The following FRG1 variants were observed in gnomAD, a reference collection of about 807,000 sequenced individuals.
FRG1 encodes protein FRG1.
In FRG1, 19 loss-of-function variants were observed where a neutral mutation model predicts 37.0. The ratio of observed to expected loss-of-function variants is 0.51; its 90% CI spans 0.36 to 0.75. The LOEUF (loss-of-function observed/expected upper bound fraction) is 0.75, where lower values mean the gene tolerates loss of function less well. FRG1 is among the 30% of genes least tolerant of loss of function. The pLI, the probability that FRG1 is intolerant of heterozygous loss-of-function variation, is 0.00. For missense variants in FRG1, 243 were observed against 301.4 expected (o/e 0.81, Z 1.44); for synonymous variants, 73 against 96.5 (o/e 0.76, Z 1.43).
At position 189,940,995 on chromosome 4, in the gene FRG1, A is replaced by G. The variant is rs1393289566; in HGVS notation, c.-15A>G. On this transcript the variant is annotated 5_prime_UTR_variant, in exon 1 of 9. Transcript: ENST00000226798. ...AACCGGCCTCAGCCTCTCCGCGCAG[A>G]AGTTTCCCGGAGCCATGGCCGAGTA... The G allele has an allele frequency of 3.1e-6, 5 of 1,611,688 alleles. No individual in the cohort carries two copies. Among genetic ancestry groups the G allele is most frequent in the Non-Finnish European group, 4.2e-6 (5 of 1,178,204 alleles).
chr4:189,959,792 G>GA (rs1443020147), intron 6 of FRG1: 1 of 739,004 alleles, frequency 1.4e-6, no homozygotes, highest in Non-Finnish European at 1.7e-6. Flanking sequence ...CAAGTACCTG[G>GA]AAGCTCTGAA....
intron 2 of FRG1, among the ~76,000 whole-genome samples, chr4:189,947,423 G>A (rs1736578394): frequency 6.6e-6 from 1 of 152,156 alleles, no homozygotes; most frequent in Admixed American, 6.5e-5. Context: ...TTGATGCCTA[G>A]TCAAATTATT....
chr4:189,947,315 T>G (rs1736573472), intron 2 of FRG1, among the ~76,000 whole-genome samples: 1 of 110,116 alleles, frequency 9.1e-6, no homozygotes, highest in Non-Finnish European at 1.7e-5. Flanking sequence ...TAAAGTATTT[T>G]GAAGCCGTCA....
intron 2 of FRG1, among the ~76,000 whole-genome samples, chr4:189,943,569 C>T (rs747602740): frequency 2.0e-5 from 3 of 152,140 alleles, no homozygotes; most frequent in Admixed American, 2.0e-4. Flanking sequence ...TGTTATTCAA[C>T]CAAATATCTT....
chr4:189,955,383 A>G (rs996304712), intron 5 of FRG1, among the ~76,000 whole-genome samples: 5 of 152,196 alleles, frequency 3.3e-5, no homozygotes, highest in South Asian at 2.1e-4. Context: ...GTGCCTAGAT[A>G]TGGATCTCAT....
At chr4:189,950,526 A>C (rs1736709023) in intron 2 of FRG1, among the ~76,000 whole-genome samples, 1 of 152,084 alleles carries the variant, frequency 6.6e-6, no homozygotes, top group Admixed American at 6.6e-5. Context: ...GGTCTGTTTT[A>C]AGTTACTTTT....
chr4:189,942,465 T>G (rs1196594901), intron 1 of FRG1, among the ~76,000 whole-genome samples: 1 of 152,230 alleles, frequency 6.6e-6, no homozygotes, highest in East Asian at 1.9e-4. Context: ...TAAGAAATCA[T>G]GCAACATGTG....
At chr4:189,957,625 G>A (rs555984859) in intron 6 of FRG1, 123 bp downstream of exon 6, 107 of 858,734 alleles carry the variant, frequency 1.2e-4, no homozygotes, top group Middle Eastern at 1.1e-3. Context: ...TTTATAATGT[G>A]GTGTTTCAAA....
At chr4:189,949,282 T>C (rs1284599268) in intron 2 of FRG1, among the ~76,000 whole-genome samples, 3 of 152,196 alleles carry the variant, frequency 2.0e-5, no homozygotes, top group African/African-American at 7.2e-5. Context: ...AAGTATTATG[T>C]TATGTTACTT....
At chr4:189,954,729 G>A (rs1736906691) in intron 4 of FRG1, among the ~76,000 whole-genome samples, 1 of 151,766 alleles carries the variant, frequency 6.6e-6, no homozygotes, top group African/African-American at 2.4e-5. Context: ...CAAGTAGCTG[G>A]TATCACATGT....
chr4:189,959,208 A>G (rs1737118910), intron 6 of FRG1, among the ~76,000 whole-genome samples: 1 of 152,220 alleles, frequency 6.6e-6, no homozygotes, highest in Non-Finnish European at 1.5e-5. Context: ...AATAATTTCA[A>G]ATCTAAAGCT....
chr4:189,945,493 A>G (rs1239069701), intron 2 of FRG1, among the ~76,000 whole-genome samples: 1 of 152,180 alleles, frequency 6.6e-6, no homozygotes, highest in Non-Finnish European at 1.5e-5. Flanking sequence ...CTCTTTCTGT[A>G]TCTGTTGAGA....
intron 2 of FRG1, among the ~76,000 whole-genome samples, chr4:189,946,015 G>T (rs1736512279): frequency 6.6e-6 from 1 of 152,146 alleles, no homozygotes; most frequent in Non-Finnish European, 1.5e-5. Context: ...CATCTAAGTT[G>T]TTGGATTTAT....
In FRG1 at chr4:189,941,740, C is replaced by G. The variant is rs185324256; in HGVS notation, c.62+669C>G. The G allele has an allele frequency of 3.1e-4, 91 of 289,090 alleles. 1 individual carries two copies. The highest frequency in any genetic ancestry group is 2.0e-3 in the African/African-American group (90 of 44,002). 17.9% of individuals were successfully genotyped at this position (289,090 alleles called of 1,614,324 possible). Reference sequence around the variant, plus strand: ...CATATATGCAGAAAATAAATTGAGCCAAATGTGAGGAGGAGGTCGTAATGG... The same window carrying G: ...CATATATGCAGAAAATAAATTGAGCGAAATGTGAGGAGGAGGTCGTAATGG... On this transcript the variant is annotated intron_variant, in intron 1 of 8. Coordinates refer to ENST00000226798, the MANE Select transcript of FRG1 (RefSeq NM_004477.3).
rs1296255099 is a variant in FRG1 at position 189,943,270 on chromosome 4, T to C, written c.131T>C (p.Val44Ala). The change falls in exon 2 of 9, where the codon GTT becomes GCT. Residue 44 changes from valine to alanine, a missense_variant and splice_region_variant. Transcript: ENST00000226798. The part of the protein sequence containing the change: ...EEDEETQLDI[V>A]GIWWTVTNFG... ...GATGAAGAAACCCAGCTTGATATTG[T>C]TGGTGAGTCAGTTTTCAGTGCTCTA... The C allele has an allele frequency of 6.2e-7, 1 of 1,606,798 alleles. No individual in the cohort carries two copies. The highest frequency in any genetic ancestry group is 8.5e-7 in the Non-Finnish European group (1 of 1,177,436).
rs111782092 is a variant in FRG1 at position 189,961,971 on chromosome 4, C to G, written c.740+39C>G. On this transcript the variant is annotated intron_variant, in intron 8 of 8. Transcript: ENST00000226798. ...TACTTATTTCCACTATTTTCAGTAG[C>G]CAATAGAAATGGCATGTAGAAAACC... is the stretch of plus-strand genomic sequence containing the variant. The G allele has an allele frequency of 1.5e-3, 1,632 of 1,060,686 alleles. 23 individuals carry two copies. The African/African-American group carries it at 0.024, about 16-fold the overall frequency. 65.7% of individuals were successfully genotyped at this position (1,060,686 alleles called of 1,614,324 possible). A position where few individuals can be genotyped will look rare whatever the true frequency, so the allele number is the denominator to read the frequency against.
intron 5 of FRG1, among the ~76,000 whole-genome samples, chr4:189,957,139 A>T (rs1737015293): frequency 6.6e-6 from 1 of 152,208 alleles, no homozygotes; most frequent in African/African-American, 2.4e-5. Context: ...AAAGGAAGCA[A>T]TCCTACCTCA....
intron 5 of FRG1, among the ~76,000 whole-genome samples, chr4:189,955,692 A>AAAATTTTTT (rs1736953942): frequency 6.7e-6 from 1 of 148,890 alleles, no homozygotes; most frequent in South Asian, 2.1e-4. Flanking sequence ...GTAAGTAGAC[A>AAAATTTTTT]GTTGTATATG....
chr4:189,957,442 C>A lies in FRG1; in HGVS notation c.477C>A (p.Cys159Ter). ...LLASNSCFIR[C>*]NEAGDIEAKS... Reference sequence around the variant, plus strand: ...CCTCAAATAGCTGCTTTATTAGATGCAATGAAGCAGGGGACATAGAAGCAA... The same window carrying A: ...CCTCAAATAGCTGCTTTATTAGATGAAATGAAGCAGGGGACATAGAAGCAA... The change falls in exon 6 of 9, where the codon TGC becomes TGA. Residue 159 changes from cysteine to a stop codon, truncating the protein, a stop_gained. Transcript: ENST00000226798. LOFTEE classifies it high-confidence loss of function. 1 of 1,436,690 alleles carries A rather than the reference C, an allele frequency of 7.0e-7. No individual in the cohort carries two copies. Among genetic ancestry groups the A allele is most frequent in the Non-Finnish European group, 9.2e-7 (1 of 1,085,916 alleles). 89.0% of individuals were successfully genotyped at this position (1,436,690 alleles called of 1,614,324 possible). A position where few individuals can be genotyped will look rare whatever the true frequency, so the allele number is the denominator to read the frequency against.
Sources: gnomAD v4.1 joint callset for allele counts (sites outside exome capture counted in the v4.1 genomes callset) on GRCh38, gnomAD v4.1.1 for gene constraint, MANE v1.5 for transcripts, NCBI Gene and HGNC (gene_info 2026-07-23, HGNC 2026-07-21) for gene names.